Variants in CLASP2 observed in about 807,000 individuals in gnomAD.
CLASP2 encodes cytoplasmic linker associated protein 2.
Under a neutral mutation model 194.4 loss-of-function variants are expected in CLASP2, and 47 were observed. The ratio of observed to expected loss-of-function variants is 0.24; its 90% CI spans 0.19 to 0.31. CLASP2 has a LOEUF of 0.31. CLASP2 is among the 10% of genes least tolerant of loss of function. The probability of loss-of-function intolerance (pLI) is 1.00; values close to 1 mark genes in which losing one functional copy is unlikely to be tolerated. For synonymous variants in CLASP2, 619 were observed against 633.5 expected (o/e 0.98, Z 0.34); for missense variants, 1,445 against 1,823.6 (o/e 0.79, Z 3.78).
intron 35 of CLASP2, 62 bp from the exon 36 acceptor site, chr3:33,516,213 A>C: frequency 1.3e-6 from 2 of 1,483,124 alleles, no homozygotes; most frequent in Non-Finnish European, 1.8e-6. Context: ...TAACATTTTC[A>C]ATTTTTGTAA....
intron 6 of CLASP2, among the ~76,000 whole-genome samples, chr3:33,670,943 C>G (rs1479929467): frequency 1.3e-5 from 2 of 152,116 alleles, no homozygotes; most frequent in African/African-American, 4.8e-5. Context: ...AATGTCTGAC[C>G]TTAAGTGAAA....
At chr3:33,560,625 C>T (rs1402901280) in intron 28 of CLASP2, among the ~76,000 whole-genome samples, 183 bp downstream of exon 28, 1 of 152,034 alleles carries the variant, frequency 6.6e-6, no homozygotes, top group Non-Finnish European at 1.5e-5. Context: ...AAATGCAGGG[C>T]TTGACCTAGG....
intron 35 of CLASP2, 45 bp downstream of exon 35, chr3:33,516,936 A>C: frequency 2.0e-6 from 3 of 1,501,216 alleles, no homozygotes; most frequent in Non-Finnish European, 2.8e-6. Flanking sequence ...GCAATGTAAA[A>C]GAGACAGGAA....
intron 5 of CLASP2, 23 bp from the exon 6 acceptor site, chr3:33,684,479 T>C: frequency 6.9e-7 from 1 of 1,449,398 alleles, no homozygotes; most frequent in Non-Finnish European, 9.5e-7. Flanking sequence ...TCAGAACTTT[T>C]TAATAAACTT....
chr3:33,503,384 A>C (rs1215304692), intron 37 of CLASP2: 1 of 151,504 alleles, frequency 6.6e-6, no homozygotes, highest in Non-Finnish European at 1.5e-5. Flanking sequence ...CTGGGAATAG[A>C]ATAGGTGGGT....
At chr3:33,666,218 C>T (rs1027799507) in intron 6 of CLASP2, among the ~76,000 whole-genome samples, 5 of 152,146 alleles carry the variant, frequency 3.3e-5, no homozygotes, top group East Asian at 1.9e-4. Context: ...GAATTCAATA[C>T]CATACAATTC....
In CLASP2 at chr3:33,514,596, G is replaced by A. The variant is rs544762693; in HGVS notation, c.4110+1427C>T. 4 of 234,684 alleles carry A rather than the reference G, an allele frequency of 1.7e-5. No individual in the cohort carries two copies. The South Asian group carries it at 2.0e-4, about 12-fold the overall frequency. The allele number at this position is 234,684 out of a possible 1,614,324, so 14.5% of individuals were successfully genotyped here. A position where few individuals can be genotyped will look rare whatever the true frequency, so the allele number is the denominator to read the frequency against. ...CATAGATACCTAATGCTATTGCTCA[G>A]TTGCTTTCTCTTAGAAATACAGTCC... On this transcript the variant is annotated intron_variant, in intron 36 of 38. Coordinates refer to ENST00000682230, the MANE Select transcript of CLASP2 (RefSeq NM_001365631.1).
chr3:33,693,935 A>T (rs1293513921), intron 2 of CLASP2, among the ~76,000 whole-genome samples: 3 of 152,082 alleles, frequency 2.0e-5, no homozygotes, highest in Non-Finnish European at 4.4e-5. Context: ...AACCAACAAA[A>T]GTAAGTTAAT....
At chr3:33,611,635 C>G (rs1249193490) in intron 13 of CLASP2, among the ~76,000 whole-genome samples, 1 of 152,134 alleles carries the variant, frequency 6.6e-6, no homozygotes, top group African/African-American at 2.4e-5. Context: ...ATTAGCTCTA[C>G]TAACCTATGC....
At chr3:33,614,774 G>A (rs1559387411) in intron 12 of CLASP2, among the ~76,000 whole-genome samples, 3 of 152,094 alleles carry the variant, frequency 2.0e-5, no homozygotes, top group Admixed American at 2.0e-4. Context: ...GAGTGAGCCA[G>A]GAGGTCAGGA....
chr3:33,628,932 A>G (rs1436322281), intron 9 of CLASP2, among the ~76,000 whole-genome samples: 1 of 152,124 alleles, frequency 6.6e-6, no homozygotes, highest in East Asian at 1.9e-4. Context: ...ATGGAAGAAC[A>G]TCATATCACA....
intron 15 of CLASP2, 80 bp downstream of exon 15, chr3:33,607,304 C>G (rs1180766967): frequency 1.0e-6 from 1 of 959,346 alleles, no homozygotes; most frequent in East Asian, 2.7e-5. Context: ...TACTTGGACA[C>G]TTCTGATATT....
In CLASP2 at chr3:33,576,253, T is replaced by C. The variant is rs376453970; in HGVS notation, c.2370A>G (p.Gln790=). The C allele has an allele frequency of 1.1e-5, 17 of 1,613,618 alleles. No homozygotes were observed. The highest frequency in any genetic ancestry group is 4.5e-5 in the East Asian group (2 of 44,886). ...TAACAGAAGACGACAGTCGACTTGA[T>C]TGGCTGATCCCATAACCTGGACCTA... ...QPLGPGYGIS[Q]SSRLSSSVSA... Residue 790 remains glutamine, a synonymous_variant, in exon 24 of 39, where the codon CAA becomes CAG. Transcript: ENST00000682230.
rs1383101216 is a variant in CLASP2 at position 33,581,989 on chromosome 3, T to A, written c.2240-61A>T. 8.8e-6 allele frequency: 11 copies of A among 1,249,968 alleles called. No individual in the cohort carries two copies. The East Asian group carries it at 2.4e-4, about 28-fold the overall frequency. 77.4% of individuals were successfully genotyped at this position (1,249,968 alleles called of 1,614,324 possible). On this transcript the variant is annotated intron_variant, in intron 22 of 38. Coordinates refer to ENST00000682230, the MANE Select transcript of CLASP2 (RefSeq NM_001365631.1). Reference sequence around the variant, plus strand: ...AGAAAACAGAACAGAGTTTGCATTTTAAAAAATTTTGTTTTTTTCTTTCTT... The same window carrying A: ...AGAAAACAGAACAGAGTTTGCATTTAAAAAAATTTTGTTTTTTTCTTTCTT...
At chr3:33,563,823 A>C in intron 27 of CLASP2, 1 of 449,884 alleles carries the variant, frequency 2.2e-6, no homozygotes, top group South Asian at 1.6e-5. Context: ...ATAATGTCTA[A>C]AATACCTGGA....
At position 33,644,818 on chromosome 3, in the gene CLASP2, T is replaced by A; in HGVS notation, c.801A>T (p.Thr267=). The A allele has an allele frequency of 6.2e-7, 1 of 1,613,114 alleles. No individual in the cohort carries two copies. The highest frequency in any genetic ancestry group is 8.5e-7 in the Non-Finnish European group (1 of 1,179,528). The change falls in exon 8 of 39, where the codon ACA becomes ACT. Residue 267 remains threonine, a synonymous_variant. Coordinates refer to ENST00000682230, the MANE Select transcript of CLASP2 (RefSeq NM_001365631.1). ...TTGCACTGTTGGCAGGATTTCCGGA[T>A]GTTTTAGGTGCAGGAACCTTGAAGG... ...ASAFKVPAPK[T]SGNPANSARK...
intron 1 of CLASP2, among the ~76,000 whole-genome samples, chr3:33,708,531 T>C (rs1309959152): frequency 6.1e-5 from 2 of 32,900 alleles, no homozygotes; most frequent in South Asian, 1.1e-3. Flanking sequence ...TATGTATATA[T>C]ATATGTATAT....
Position 33,535,284 on chromosome 3 carries a change from A to G in CLASP2, c.3736T>C (p.Ser1246Pro). 9.3e-6 allele frequency: 15 copies of G among 1,614,026 alleles called. No homozygotes were observed. The highest frequency in any genetic ancestry group is 1.3e-5 in the Non-Finnish European group (15 of 1,179,878). Residue 1246 changes from serine (S) to proline (P), a missense_variant, in exon 34 of 39, where the codon TCT becomes CCT. Coordinates refer to ENST00000682230, the MANE Select transcript of CLASP2 (RefSeq NM_001365631.1). ...TCAAACATGGCTTCCTTGAGGGCAG[A>G]CTTGTTGAAGGGACTGATGCTATCT... ...YSDSISPFNK[S>P]ALKEAMFDDD...
intron 6 of CLASP2, among the ~76,000 whole-genome samples, chr3:33,680,800 C>A (rs772136994): frequency 6.8e-6 from 1 of 147,942 alleles, no homozygotes; most frequent in Non-Finnish European, 1.5e-5. Context: ...AGGAGTAAGA[C>A]CTTGTCTCAA....
Sources: allele counts gnomAD v4.1 joint callset (sites outside exome capture counted in the v4.1 genomes callset), GRCh38; gene constraint gnomAD v4.1.1; transcripts MANE v1.5; gene names NCBI Gene and HGNC (gene_info 2026-07-23, HGNC 2026-07-21).